The following DAB1 variants were observed in gnomAD, a reference collection of about 807,000 sequenced individuals.
The protein encoded by DAB1 is DAB adaptor protein 1.
Under a neutral mutation model 64.6 loss-of-function variants are expected in DAB1, and 15 were observed. The ratio of observed to expected loss-of-function variants is 0.23; its 90% CI spans 0.16 to 0.36. DAB1 has a LOEUF of 0.36. DAB1 is among the 10% of genes least tolerant of loss of function. DAB1 has a pLI of 1.00. For synonymous variants in DAB1, 235 were observed against 251.9 expected (o/e 0.93, Z 0.64); for missense variants, 596 against 706.7 (o/e 0.84, Z 1.78).
At chr1:58,146,858 G>A (rs999536288) in intron 5 of DAB1, among the ~76,000 whole-genome samples, 7 of 152,056 alleles carry the variant, frequency 4.6e-5, no homozygotes, top group Non-Finnish European at 1.0e-4. Context: ...TACTTAGGTT[G>A]TTTCCATATC....
At chr1:58,233,250 T>C (rs1030200713) in intron 4 of DAB1, among the ~76,000 whole-genome samples, 8 of 152,220 alleles carry the variant, frequency 5.3e-5, no homozygotes, top group Admixed American at 2.6e-4. Flanking sequence ...TTATTGAGCA[T>C]TGATTATGCT....
chr1:57,093,215 C>T (rs1044957841), intron 4 of DAB1, among the ~76,000 whole-genome samples: 2 of 152,158 alleles, frequency 1.3e-5, no homozygotes, highest in Admixed American at 6.5e-5. Flanking sequence ...TCGTCACCTC[C>T]GTCTTTGCAT....
chr1:57,580,392 T>C (rs567571333), intron 7 of DAB1, among the ~76,000 whole-genome samples: 1 of 152,110 alleles, frequency 6.6e-6, no homozygotes, highest in Non-Finnish European at 1.5e-5. Context: ...TGTGACAATC[T>C]GGTTCCTGAT....
chr1:58,156,857 G>T lies in DAB1; in HGVS notation n.310-6269C>A, dbSNP rs17117034. On this transcript the variant is annotated intron_variant and non_coding_transcript_variant, in intron 4 of 20. Transcript: ENST00000485760. ...TAAGTAGGAATCAGAACAACAAGGG[G>T]TTGCAAGCTAAGAGAAGGAATTTCA... is the stretch of plus-strand genomic sequence containing the variant. Among the ~76,000 whole-genome samples, 1,324 of 152,246 alleles carry T rather than the reference G, an allele frequency of 8.7e-3. 20 individuals are homozygous for T. The highest frequency in any genetic ancestry group is 0.03 in the African/African-American group (1,260 of 41,548).
At chr1:58,480,730 A>C (rs1053481798) in intron 3 of DAB1, 1 of 344,152 alleles carries the variant, frequency 2.9e-6, no homozygotes, top group African/African-American at 2.1e-5. Context: ...AAAATGTGTA[A>C]TATAAATTTA....
intron 5 of DAB1, among the ~76,000 whole-genome samples, chr1:58,094,282 T>G (rs1212012124): frequency 6.6e-6 from 1 of 152,218 alleles, no homozygotes; most frequent in African/African-American, 2.4e-5. Context: ...GTCATCCCTG[T>G]GTAACCAACT....
At chr1:58,244,013 GAA>G (rs1304210521) in intron 4 of DAB1, among the ~76,000 whole-genome samples, 2 of 151,948 alleles carry the variant, frequency 1.3e-5, no homozygotes, top group Non-Finnish European at 2.9e-5. Flanking sequence ...AAGGATCAGT[GAA>G]AAAAAGAGTC....
chr1:58,442,163 A>C (rs370015810), intron 3 of DAB1, among the ~76,000 whole-genome samples: 1 of 152,198 alleles, frequency 6.6e-6, no homozygotes, highest in African/African-American at 2.4e-5. Context: ...ATGTGCATGC[A>C]TGTGCACGTA....
chr1:57,875,995 G>A (rs965789116), intron 1 of DAB1, among the ~76,000 whole-genome samples: 3 of 152,140 alleles, frequency 2.0e-5, no homozygotes, highest in African/African-American at 4.8e-5. Flanking sequence ...ATTAATTTAT[G>A]GGGCATCCAG....
At chr1:58,260,796 T>A (rs1661030791) in intron 4 of DAB1, among the ~76,000 whole-genome samples, 1 of 152,232 alleles carries the variant, frequency 6.6e-6, no homozygotes, top group African/African-American at 2.4e-5. Context: ...TTCTTTAAGA[T>A]TTCCGTGGGA....
chr1:57,619,181 T>G (rs1046690341), intron 7 of DAB1, among the ~76,000 whole-genome samples: 6 of 152,130 alleles, frequency 3.9e-5, no homozygotes, highest in African/African-American at 1.4e-4. Flanking sequence ...ATATGATGGG[T>G]AGCAGTTAGA....
rs904223160 is a variant in DAB1, at chr1:57,649,002, T to C, written n.625+590A>G. Among the ~76,000 whole-genome samples, 28 of 152,352 alleles carry C rather than the reference T, an allele frequency of 1.8e-4. 2 individuals carry two copies. The highest frequency in any genetic ancestry group is 6.7e-4 in the African/African-American group (28 of 41,582). ...TGTCAAAAGAATAGGCGTTTTCAAT[T>C]GTGGATTCCTGGCTCCTGTATGAAG... On this transcript the variant is annotated intron_variant and non_coding_transcript_variant, in intron 7 of 20. Coordinates refer to the DAB1 transcript ENST00000485760.
chr1:58,229,941 C>G (rs1659697512), intron 4 of DAB1, among the ~76,000 whole-genome samples: 2 of 152,182 alleles, frequency 1.3e-5, no homozygotes, highest in Admixed American at 1.3e-4. Flanking sequence ...AGTGGCAGAT[C>G]TGAGATGAGA....
intron 4 of DAB1, among the ~76,000 whole-genome samples, chr1:58,216,628 T>G (rs1412423277): frequency 1.3e-5 from 2 of 152,230 alleles, no homozygotes; most frequent in African/African-American, 4.8e-5. Flanking sequence ...ACGGTTGAAC[T>G]AACTTACACT....
chr1:57,194,546 C>T (rs1324347875), intron 2 of DAB1, among the ~76,000 whole-genome samples: 4 of 152,220 alleles, frequency 2.6e-5, no homozygotes, highest in Non-Finnish European at 5.9e-5. Flanking sequence ...CTCCAACATA[C>T]TATATCACGT....
At chr1:57,367,043 C>CAAAATAAAATAAAATAAAAAATATAAAAT (rs1680061154) in intron 1 of DAB1, among the ~76,000 whole-genome samples, 1 of 91,670 alleles carries the variant, frequency 1.1e-5, no homozygotes, top group South Asian at 3.8e-4. Context: ...CCTGTCTCCA[C>CAAAATAAAATAAAATAAAAAATATAAAAT]AAAATAAAAT....
intron 7 of DAB1, among the ~76,000 whole-genome samples, chr1:57,619,544 G>A (rs140388427): frequency 6.4e-4 from 97 of 152,102 alleles, no homozygotes; most frequent in African/African-American, 2.3e-3. Context: ...GGACCACAGG[G>A]GCATGCTACC....
intron 5 of DAB1, among the ~76,000 whole-genome samples, chr1:57,960,425 A>G (rs1557579948): frequency 6.6e-6 from 1 of 152,070 alleles, no homozygotes; most frequent in South Asian, 2.1e-4. Context: ...TACAAACTCA[A>G]TACAGGAAAA....
chr1:57,587,843 G>A (rs1162976259), intron 7 of DAB1, among the ~76,000 whole-genome samples: 1 of 152,206 alleles, frequency 6.6e-6, no homozygotes, highest in Non-Finnish European at 1.5e-5. Context: ...CATACTAGGA[G>A]TTGGCTCATG....
Sources: gnomAD v4.1 joint callset for allele counts (sites outside exome capture counted in the v4.1 genomes callset) on GRCh38, gnomAD v4.1.1 for gene constraint, MANE v1.5 for transcripts, NCBI Gene and HGNC (gene_info 2026-07-23, HGNC 2026-07-21) for gene names.